TBC1D10A: variants seen among roughly 807,000 people sequenced by gnomAD.
TBC1D10A encodes the protein TBC1 domain family member 10A.
A neutral mutation model predicts 52.9 loss-of-function variants in TBC1D10A; 24 were observed. The ratio of observed to expected loss-of-function variants is 0.45; its 90% CI spans 0.33 to 0.64. The LOEUF (loss-of-function observed/expected upper bound fraction) is 0.64. Ranked by LOEUF, TBC1D10A falls within the 30% of genes least tolerant of loss-of-function variation. The probability of loss-of-function intolerance (pLI) is 0.02; values close to 1 mark genes in which losing one functional copy is unlikely to be tolerated. For synonymous variants in TBC1D10A, 278 were observed against 282.9 expected, an observed-to-expected ratio of 0.98 and a Z score of 0.17; for missense variants, 602 against 687.9, an observed-to-expected ratio of 0.88 and a Z score of 1.40.
intron 1 of TBC1D10A, among the ~76,000 whole-genome samples, chr22:30,322,593 CTTTTTTTTTT>C (rs34874729): frequency 4.0e-5 from 1 of 24,874 alleles, no homozygotes; most frequent in African/African-American, 2.6e-4. Flanking sequence ...TCACTTTCAG[CTTTTTTTTTT>C]TTTTTTTTTT....
intron 1 of TBC1D10A, among the ~76,000 whole-genome samples, chr22:30,317,535 TA>T (rs1930564914): frequency 6.9e-6 from 1 of 144,294 alleles, no homozygotes; most frequent in Non-Finnish European, 1.5e-5. Flanking sequence ...AGTATTTGTT[TA>T]CACTATGCTC....
Position 30,297,043 on chromosome 22 carries a change from T to G in TBC1D10A, c.418-1200A>C, listed in dbSNP as rs1371043591. On this transcript the variant is annotated intron_variant, in intron 3 of 8. Transcript: ENST00000215790. This position sits in a 1 kb window ranked among gnomAD's most constrained non-coding sequence, Gnocchi z 4.3. The stretch of plus-strand genomic sequence containing the variant: ...GTGGGCGCAGACACAGGCCCTGCCC[T>G]GACGAGCAGGTGACTTCATACAAGC... 4 of 152,256 alleles carry G rather than the reference T, an allele frequency of 2.6e-5. No homozygotes were observed. Among genetic ancestry groups the G allele is most frequent in the African/African-American group, 9.6e-5 (4 of 41,464 alleles). 9.4% of individuals were successfully genotyped at this position (152,256 alleles called of 1,614,324 possible). A position where few individuals can be genotyped will look rare whatever the true frequency, so the allele number is the denominator to read the frequency against.
At chr22:30,311,799 G>A (rs1485955565) in intron 1 of TBC1D10A, among the ~76,000 whole-genome samples, 2 of 152,064 alleles carry the variant, frequency 1.3e-5, no homozygotes, top group Non-Finnish European at 2.9e-5. Context: ...CCTGACAACT[G>A]CAGAAAGGTA....
chr22:30,314,295 C>G (rs1453850443), intron 1 of TBC1D10A, among the ~76,000 whole-genome samples: 2 of 152,346 alleles, frequency 1.3e-5, no homozygotes, highest in East Asian at 3.9e-4. Context: ...CTCAGAGGCA[C>G]AAGCTGTGTG....
intron 1 of TBC1D10A, among the ~76,000 whole-genome samples, chr22:30,312,427 G>A (rs1930444592): frequency 6.6e-6 from 1 of 152,250 alleles, no homozygotes; most frequent in African/African-American, 2.4e-5. Flanking sequence ...GGAGACTGAA[G>A]TGGGAGGATC....
chr22:30,310,516 T>C (rs1569162629), intron 1 of TBC1D10A, among the ~76,000 whole-genome samples: 1 of 152,180 alleles, frequency 6.6e-6, no homozygotes, highest in Non-Finnish European at 1.5e-5. Context: ...TACAGCTGTG[T>C]GAAACAGGGC....
chr22:30,293,192 G>A (rs1929989920), intron 8 of TBC1D10A: 1 of 639,658 alleles, frequency 1.6e-6, no homozygotes, highest in Middle Eastern at 2.5e-4. Flanking sequence ...CAGCCTGGCT[G>A]CTTAGGCTCA....
In TBC1D10A at chr22:30,292,523, G is replaced by A. The variant is rs370167266; in HGVS notation, c.1379C>T (p.Ala460Val). The A allele has an allele frequency of 2.5e-6, 4 of 1,612,196 alleles. No individual in the cohort carries two copies. The highest frequency in any genetic ancestry group is 2.7e-5 in the African/African-American group (2 of 74,888). ...APNQAMVVAA[A>V]GDACPPQHVP... ...ATGCTGTGGGGGACATGCATCTCCT[G>A]CAGCGGCCACCACCATGGCTTGATT... Residue 460 changes from alanine (A) to valine (V), a missense_variant, in exon 9 of 9, where the codon GCA becomes GTA. Ala to Val is a moderately conservative substitution (Grantham distance 64). Coordinates refer to ENST00000215790, the MANE Select transcript of TBC1D10A (RefSeq NM_031937.3).
chr22:30,312,181 G>A (rs1439870060), intron 1 of TBC1D10A, among the ~76,000 whole-genome samples: 1 of 152,184 alleles, frequency 6.6e-6, no homozygotes, highest in Non-Finnish European at 1.5e-5. Flanking sequence ...GCTGGTGACT[G>A]AGTCCTTGGA....
Position 30,295,815 on chromosome 22 carries a change from T to C in TBC1D10A, c.446A>G (p.Lys149Arg). Residue 149 changes from lysine (K) to arginine (R), a missense_variant, in exon 4 of 9, where the codon AAG becomes AGG. Coordinates refer to ENST00000215790, the MANE Select transcript of TBC1D10A (RefSeq NM_031937.3). ...DELDMSPGDP[K>R]WLDVIERDLH... is the part of the protein sequence containing the mutation. The stretch of plus-strand genomic sequence containing the variant: ...GTCACGCTCAATCACGTCCAGCCAC[T>C]TGGGGTCCCCAGGGGACATGTCCAG... The C allele has an allele frequency of 6.2e-7, 1 of 1,613,854 alleles. No homozygotes were observed. The highest frequency in any genetic ancestry group is 2.2e-5 in the East Asian group (1 of 44,872).
chr22:30,324,838 G>T (rs573953023), intron 1 of TBC1D10A, among the ~76,000 whole-genome samples: 2 of 152,320 alleles, frequency 1.3e-5, no homozygotes, highest in East Asian at 3.9e-4. Context: ...AGGTCACAAA[G>T]CTAGCAAGTG....
At chr22:30,314,694 C>T (rs912027505) in intron 1 of TBC1D10A, among the ~76,000 whole-genome samples, 21 of 151,762 alleles carry the variant, frequency 1.4e-4, no homozygotes, top group Non-Finnish European at 2.6e-4. Flanking sequence ...TGTCTGTAGT[C>T]GTAGCTACTC....
At chr22:30,302,756 A>T (rs140727484) in intron 2 of TBC1D10A, among the ~76,000 whole-genome samples, 2 of 152,328 alleles carry the variant, frequency 1.3e-5, no homozygotes, top group African/African-American at 4.8e-5. Context: ...CCAGGAAAGA[A>T]AAGGGGAAGT....
In TBC1D10A at chr22:30,297,446, C is replaced by T. The variant is rs759477137; in HGVS notation, c.418-1603G>A. ...AAGTCAGTTCCTAGGATGTGTTCAT[C>T]TGGCACTTCAGCAGCCTAAGGCACT... On this transcript the variant is annotated intron_variant, in intron 3 of 8. Transcript: ENST00000215790. The surrounding 1 kb of genome is among the most constrained non-coding windows in gnomAD (Gnocchi z 4.3). 1 of 152,204 alleles carries T rather than the reference C, an allele frequency of 6.6e-6. No individual in the cohort carries two copies. The highest frequency in any genetic ancestry group is 2.4e-5 in the African/African-American group (1 of 41,420). The allele number at this position is 152,204 out of a possible 1,614,324, so 9.4% of individuals were successfully genotyped here.
chr22:30,326,932 T>C lies in TBC1D10A; in HGVS notation c.-51A>G, dbSNP rs569367743. 4.4e-6 allele frequency: 6 copies of C among 1,364,692 alleles called. No individual in the cohort carries two copies. The highest frequency in any genetic ancestry group is 1.5e-5 in the African/African-American group (1 of 65,240). The allele number at this position is 1,364,692 out of a possible 1,614,324, so 84.5% of individuals were successfully genotyped here. ...CCAGCGGCCACCTCAGCCGCCCTGCTGCCGCCGACGCCCCGCCCACGCGCG... is the reference window on the plus strand; with the variant it reads ...CCAGCGGCCACCTCAGCCGCCCTGCCGCCGCCGACGCCCCGCCCACGCGCG... On this transcript the variant is annotated 5_prime_UTR_variant, in exon 1 of 9. Transcript: ENST00000215790.
chr22:30,308,921 T>C (rs1930371740), intron 1 of TBC1D10A, among the ~76,000 whole-genome samples: 2 of 152,160 alleles, frequency 1.3e-5, no homozygotes, highest in Admixed American at 6.5e-5. Context: ...ATCAGAAAGG[T>C]TGTATGACTT....
At chr22:30,302,488 C>A (rs977334807) in intron 2 of TBC1D10A, among the ~76,000 whole-genome samples, 1 of 152,220 alleles carries the variant, frequency 6.6e-6, no homozygotes, top group African/African-American at 2.4e-5. Context: ...TGGGTCTGAG[C>A]CCACTTCCTG....
chr22:30,325,406 G>C (rs1037401790), intron 1 of TBC1D10A, among the ~76,000 whole-genome samples: 2 of 152,182 alleles, frequency 1.3e-5, no homozygotes, highest in African/African-American at 4.8e-5. Context: ...GGGTGACCTT[G>C]GACAATCTCA....
At chr22:30,318,105 T>C (rs1249158832) in intron 1 of TBC1D10A, among the ~76,000 whole-genome samples, 1 of 152,150 alleles carries the variant, frequency 6.6e-6, no homozygotes, top group African/African-American at 2.4e-5. Flanking sequence ...TGGTGCCCCT[T>C]GTAAGTGCTG....
Sources: allele counts gnomAD v4.1 joint callset (sites outside exome capture counted in the v4.1 genomes callset), GRCh38; gene constraint gnomAD v4.1.1; non-coding constraint Gnocchi (gnomAD v3.1); transcripts MANE v1.5; gene names NCBI Gene and HGNC (gene_info 2026-07-23, HGNC 2026-07-21).